Variants in C6orf132 observed in about 807,000 individuals in gnomAD.
C6orf132 encodes the protein uncharacterized protein C6orf132.
C6orf132 carries 43 observed loss-of-function variants against 65.3 expected under a neutral mutation model. That is an observed-to-expected ratio of 0.66 (90% CI 0.52 to 0.85). C6orf132 has a LOEUF of 0.85. Among genes scored for constraint, C6orf132 ranks in the 40% least tolerant of loss-of-function variants. The pLI is 0.00. For missense variants in C6orf132, 1,488 were observed against 1,548.8 expected (o/e 0.96, Z 0.66); for synonymous variants, 631 against 654.1 (o/e 0.96, Z 0.54).
At chr6:42,113,546 G>A (rs1277605653) in intron 2 of C6orf132, among the ~76,000 whole-genome samples, 1 of 152,226 alleles carries the variant, frequency 6.6e-6, no homozygotes, top group Non-Finnish European at 1.5e-5. Flanking sequence ...TGGGCATGGT[G>A]GCTCACGCCT....
At chr6:42,116,486 C>T (rs1203763982) in intron 2 of C6orf132, among the ~76,000 whole-genome samples, 2 of 152,122 alleles carry the variant, frequency 1.3e-5, no homozygotes, top group African/African-American at 2.4e-5. Context: ...CTTCCTCAGT[C>T]CTCACCATCC....
chr6:42,113,929 T>C (rs1201364465), intron 2 of C6orf132, among the ~76,000 whole-genome samples: 2 of 152,158 alleles, frequency 1.3e-5, no homozygotes, highest in African/African-American at 2.4e-5. Context: ...AGGAAACCAA[T>C]GCTAGTTGAA....
intron 2 of C6orf132, among the ~76,000 whole-genome samples, chr6:42,111,472 C>T (rs748667942): frequency 1.4e-4 from 21 of 152,024 alleles, no homozygotes; most frequent in Middle Eastern, 3.4e-3. Context: ...TTAGTAGAGA[C>T]GGGGTTTCAC....
intron 2 of C6orf132, among the ~76,000 whole-genome samples, chr6:42,112,598 C>G (rs1029532704): frequency 6.6e-6 from 1 of 152,178 alleles, no homozygotes; most frequent in East Asian, 1.9e-4. Flanking sequence ...ATCCCCTGTC[C>G]GCACCACACT....
In C6orf132 at chr6:42,105,771, G is replaced by A. The variant is rs977930010; in HGVS notation, c.2141C>T (p.Ala714Val). The A allele has an allele frequency of 6.5e-7, 1 of 1,537,342 alleles. No individual in the cohort carries two copies. Among genetic ancestry groups the A allele is most frequent in the East Asian group, 2.4e-5 (1 of 40,924 alleles). ...QLMAEKDSGPAGQPEKPASQE... is the reference protein window; with the variant it reads ...QLMAEKDSGPVGQPEKPASQE... ...AGATGCTGGCTTCTCTGGCTGGCCAGCTGGGCCTGAGTCCTTCTCTGCCAT... is the reference window on the plus strand; with the variant it reads ...AGATGCTGGCTTCTCTGGCTGGCCAACTGGGCCTGAGTCCTTCTCTGCCAT... Residue 714 changes from alanine to valine, a missense_variant, in exon 4 of 5, where the codon GCT becomes GTT. Ala to Val is a moderately conservative substitution (Grantham distance 64). Coordinates refer to ENST00000341865, the MANE Select transcript of C6orf132 (RefSeq NM_001164446.3).
intron 2 of C6orf132, among the ~76,000 whole-genome samples, chr6:42,116,130 A>G (rs1162879640): frequency 2.6e-5 from 4 of 151,172 alleles, no homozygotes; most frequent in African/African-American, 7.3e-5. Context: ...GGGTTTCACT[A>G]TGTTGGCCAG....
intron 2 of C6orf132, among the ~76,000 whole-genome samples, chr6:42,122,299 T>C (rs1269156908): frequency 6.6e-6 from 1 of 152,164 alleles, no homozygotes; most frequent in Non-Finnish European, 1.5e-5. Flanking sequence ...CAAGGGGACA[T>C]GCCCTCAGAG....
chr6:42,141,885 G>A (rs1008811089), intron 1 of C6orf132, among the ~76,000 whole-genome samples: 5 of 152,168 alleles, frequency 3.3e-5, no homozygotes, highest in African/African-American at 1.2e-4. Context: ...TTAGCCCCCA[G>A]TTCTTCAGGA....
At chr6:42,130,654 T>C (rs932663708) in intron 1 of C6orf132, among the ~76,000 whole-genome samples, 3 of 152,172 alleles carry the variant, frequency 2.0e-5, no homozygotes, top group Non-Finnish European at 4.4e-5. Flanking sequence ...GTCATATTAA[T>C]GGCTACTCTT....
Position 42,102,857 on chromosome 6 carries a change from T to C in C6orf132, c.*904A>G. 1 of 391,044 alleles carries C rather than the reference T, an allele frequency of 2.6e-6. No individual in the cohort carries two copies. The highest frequency in any genetic ancestry group is 4.5e-6 in the Non-Finnish European group (1 of 221,700). 24.2% of individuals were successfully genotyped at this position (391,044 alleles called of 1,614,324 possible). On this transcript the variant is annotated 3_prime_UTR_variant, in exon 5 of 5. Coordinates refer to ENST00000341865, the MANE Select transcript of C6orf132 (RefSeq NM_001164446.3). Reference sequence around the variant, plus strand: ...GAGTATTGGTGACTTGTAGTATCAGTGTTAGGAAAAATGCCTTCTCCAAAT... The same window carrying C: ...GAGTATTGGTGACTTGTAGTATCAGCGTTAGGAAAAATGCCTTCTCCAAAT...
In C6orf132 at chr6:42,136,431, T is replaced by G. The variant is rs549559701; in HGVS notation, c.145+5869A>C. ...AGCACCGGCTACAGATCTAATTGGATTCCTGGGGCTTAGGAGGATTCGGGC... is the reference window on the plus strand; with the variant it reads ...AGCACCGGCTACAGATCTAATTGGAGTCCTGGGGCTTAGGAGGATTCGGGC... On this transcript the variant is annotated intron_variant, in intron 1 of 4. Transcript: ENST00000341865. Among the ~76,000 whole-genome samples, 4 of 152,304 alleles carry G rather than the reference T, an allele frequency of 2.6e-5. 1 individual carries two copies. Among genetic ancestry groups the G allele is most frequent in the African/African-American group, 9.6e-5 (4 of 41,570 alleles).
Position 42,105,797 on chromosome 6 carries a change from C to T in C6orf132, c.2115G>A (p.Leu705=). The T allele has an allele frequency of 1.3e-6, 2 of 1,537,304 alleles. No individual in the cohort carries two copies. The highest frequency in any genetic ancestry group is 1.2e-5 in the South Asian group (1 of 84,066). The stretch of plus-strand genomic sequence containing the variant: ...CTGGGCCTGAGTCCTTCTCTGCCAT[C>T]AGTTGGGATGTGGTGGTGGGCAGAG... ...ATTLPTTTSQ[L]MAEKDSGPAG... The change falls in exon 4 of 5, where the codon CTG becomes CTA. Residue 705 remains leucine, a synonymous_variant. Transcript: ENST00000341865.
In C6orf132 at chr6:42,107,117, AT is replaced by A; in HGVS notation, c.794del (p.Asn265MetfsTer252). On this transcript the variant is annotated frameshift_variant, in exon 4 of 5. Coordinates refer to ENST00000341865, the MANE Select transcript of C6orf132 (RefSeq NM_001164446.3). LOFTEE classifies it high-confidence loss of function. ...VTKWKSDVAL[N>X]GRQAEATRAS... ...CTCTGGTGGCCTCTGCCTGCCTGCC[AT>A]TCAGTGCTACATCTGATTTCCACTT... 2.1e-6 allele frequency: 3 copies of A among 1,452,836 alleles called. No homozygotes were observed. The highest frequency in any genetic ancestry group is 2.7e-6 in the Non-Finnish European group (3 of 1,106,790). 90.0% of individuals were successfully genotyped at this position (1,452,836 alleles called of 1,614,324 possible). A position where few individuals can be genotyped will look rare whatever the true frequency, so the allele number is the denominator to read the frequency against.
At position 42,104,492 on chromosome 6, in the gene C6orf132, G is replaced by T; in HGVS notation, c.3420C>A (p.Ala1140=). 8.1e-7 allele frequency: 1 copy of T among 1,231,592 alleles called. No homozygotes were observed. The highest frequency in any genetic ancestry group is 3.1e-4 in the Middle Eastern group (1 of 3,208). 76.3% of individuals were successfully genotyped at this position (1,231,592 alleles called of 1,614,324 possible). A position where few individuals can be genotyped will look rare whatever the true frequency, so the allele number is the denominator to read the frequency against. ...AEAKHKAPGS[A]DYGFAPAAGR... is the part of the protein sequence containing the mutation. Reference sequence around the variant, plus strand: ...CGGCAGCTGGGGCGAAGCCGTAGTCGGCGCTGCCGGGCGCTTTGTGCTTGG... The same window carrying T: ...CGGCAGCTGGGGCGAAGCCGTAGTCTGCGCTGCCGGGCGCTTTGTGCTTGG... Residue 1140 remains alanine (A), a synonymous_variant, in exon 4 of 5, where the codon GCC becomes GCA. Transcript: ENST00000341865. The surrounding 1 kb of genome is among the most constrained non-coding windows in gnomAD (Gnocchi z 4.1).
rs1438225578 is a variant in C6orf132, at chr6:42,107,275, C to T, written c.637G>A (p.Asp213Asn). The T allele has an allele frequency of 8.7e-7, 1 of 1,151,048 alleles. No homozygotes were observed. Among genetic ancestry groups the T allele is most frequent in the Admixed American group, 4.5e-5 (1 of 22,138 alleles). The allele number at this position is 1,151,048 out of a possible 1,614,324, so 71.3% of individuals were successfully genotyped here. ...LSSPSIPTPPDFIPPAPPLAF... is the reference protein window; with the variant it reads ...LSSPSIPTPPNFIPPAPPLAF... ...AAGGGTGGGGCAGGGGGAATGAAGTCAGGAGGGGTGGGTATGGATGGGGAG... is the reference window on the plus strand; with the variant it reads ...AAGGGTGGGGCAGGGGGAATGAAGTTAGGAGGGGTGGGTATGGATGGGGAG... The change falls in exon 4 of 5, where the codon GAC (aspartate) becomes AAC (asparagine). Residue 213 changes from aspartate to asparagine, a missense_variant. Physicochemically the swap from Asp to Asn is conservative, Grantham distance 23. Transcript: ENST00000341865.
rs60631893 is a variant in C6orf132, at chr6:42,122,732, C to T, written c.252+5940G>A. On this transcript the variant is annotated intron_variant, in intron 2 of 4. Transcript: ENST00000341865. ...GTTTAGAGAAAAGCTCCTGCAGCAGCGGGGTGGGTGGAAAGGAGAGATGGG... is the reference window on the plus strand; with the variant it reads ...GTTTAGAGAAAAGCTCCTGCAGCAGTGGGGTGGGTGGAAAGGAGAGATGGG... 1.7e-3 allele frequency among the ~76,000 whole-genome samples: 258 copies of T among 152,228 alleles called. 1 individual carries two copies. Among genetic ancestry groups the T allele is most frequent in the African/African-American group, 6.1e-3 (252 of 41,550 alleles).
At chr6:42,110,669 A>G (rs886339072) in intron 2 of C6orf132, among the ~76,000 whole-genome samples, 11 of 152,162 alleles carry the variant, frequency 7.2e-5, no homozygotes, top group African/African-American at 2.4e-4. Context: ...AGACATTTTA[A>G]TATATTTTGT....
At chr6:42,116,199 A>G (rs1180546843) in intron 2 of C6orf132, among the ~76,000 whole-genome samples, 1 of 151,440 alleles carries the variant, frequency 6.6e-6, no homozygotes, top group African/African-American at 2.4e-5. Flanking sequence ...AAGTGCTGGG[A>G]TTACAGGCAT....
chr6:42,105,853 A>T lies in C6orf132; in HGVS notation c.2059T>A (p.Ser687Thr), dbSNP rs760695167. The T allele has an allele frequency of 6.5e-7, 1 of 1,537,148 alleles. No homozygotes were observed. Among genetic ancestry groups the T allele is most frequent in the South Asian group, 1.2e-5 (1 of 84,050 alleles). The change falls in exon 4 of 5, where the codon TCT becomes ACT. Residue 687 changes from serine to threonine, a missense_variant. By Grantham distance (58) the Ser-to-Thr change is moderately conservative. Coordinates refer to ENST00000341865, the MANE Select transcript of C6orf132 (RefSeq NM_001164446.3). ...SGPTTPLKAT[S>T]GPAIASTATT... The stretch of plus-strand genomic sequence containing the variant: ...GCTGTAGATGCTATGGCAGGGCCAG[A>T]TGTGGCCTTGAGTGGTGTGGTTGGC...
Sources: gnomAD v4.1 joint callset for allele counts (sites outside exome capture counted in the v4.1 genomes callset) on GRCh38, gnomAD v4.1.1 for gene constraint, Gnocchi (gnomAD v3.1) non-coding constraint, MANE v1.5 for transcripts, NCBI Gene and HGNC (gene_info 2026-07-23, HGNC 2026-07-21) for gene names.